Variants in LDLRAD4 observed in about 807,000 individuals in gnomAD.
The protein encoded by LDLRAD4 is low density lipoprotein receptor class A domain containing 4, also known as low-density lipoprotein receptor class A domain-containing protein 4.
Under a neutral mutation model 17.0 loss-of-function variants are expected in LDLRAD4, and 5 were observed. The observed-to-expected ratio is 0.29, with a 90% confidence interval of 0.15 to 0.62. The LOEUF (loss-of-function observed/expected upper bound fraction) is 0.62. LDLRAD4 is among the 20% of genes least tolerant of loss of function. The pLI is 0.84. For synonymous variants in LDLRAD4, 168 were observed against 171.8 expected (o/e 0.98, Z 0.17); for missense variants, 340 against 424.7 (o/e 0.80, Z 1.75).
chr18:13,537,263 C>T (rs547898295), intron 3 of LDLRAD4, among the ~76,000 whole-genome samples: 2 of 152,118 alleles, frequency 1.3e-5, no homozygotes, highest in Admixed American at 6.6e-5. Context: ...TTACATAAAC[C>T]TAGATGGTAT....
intron 3 of LDLRAD4, among the ~76,000 whole-genome samples, chr18:13,558,908 A>G (rs550742769): frequency 7.4e-4 from 2 of 2,720 alleles, no homozygotes; most frequent in African/African-American, 1.0e-3. Flanking sequence ...TACAAGAGCA[A>G]GTCATCGGGG....
intron 1 of LDLRAD4, among the ~76,000 whole-genome samples, chr18:13,266,433 C>T (rs972123377): frequency 2.7e-4 from 41 of 152,184 alleles, no homozygotes; most frequent in African/African-American, 9.2e-4. Flanking sequence ...AGACACAGCC[C>T]GCTGAGGAAG....
chr18:13,387,603 G>A (rs1599849647), exon 2 of LDLRAD4: 1 of 919,822 alleles, frequency 1.1e-6, no homozygotes, highest in East Asian at 2.5e-5. Context: ...GCTCCCAGAG[G>A]CCGGCCCAGC....
chr18:13,483,295 G>A (rs530579928), intron 3 of LDLRAD4, among the ~76,000 whole-genome samples: 24 of 152,318 alleles, frequency 1.6e-4, no homozygotes, highest in Admixed American at 1.4e-3. Context: ...TTCTCACTGT[G>A]TTCTTGGGCT....
intron 1 of LDLRAD4, among the ~76,000 whole-genome samples, chr18:13,316,472 C>T (rs566300599): frequency 9.2e-5 from 14 of 152,148 alleles, no homozygotes; most frequent in East Asian, 3.9e-4. Flanking sequence ...ATTCTTCAGG[C>T]GGAAGGATAA....
intron 3 of LDLRAD4, chr18:13,487,399 A>G (rs1362826063): frequency 6.6e-6 from 1 of 152,286 alleles, no homozygotes; most frequent in Admixed American, 6.5e-5. Context: ...ATGTGGCCAG[A>G]CCAGGAAGGG....
rs1445866364 is a variant in LDLRAD4, at chr18:13,398,136, C to A, written c.40+10374C>A. Among the ~76,000 whole-genome samples, 1 of 152,168 alleles carries A rather than the reference C, an allele frequency of 6.6e-6. No homozygotes were observed. The highest frequency in any genetic ancestry group is 1.5e-5 in the Non-Finnish European group (1 of 68,028). On this transcript the variant is annotated intron_variant, in intron 2 of 5. Coordinates refer to ENST00000359446, the Ensembl canonical transcript of LDLRAD4. This position sits in a 1 kb window ranked among gnomAD's most constrained non-coding sequence, Gnocchi z 4.8. Reference sequence around the variant, plus strand: ...CTCAGATCCTCCCACTGTGGCGTTTCCTTCAGAACCGAGTTGGGGCAGGAG... The same window carrying A: ...CTCAGATCCTCCCACTGTGGCGTTTACTTCAGAACCGAGTTGGGGCAGGAG...
chr18:13,294,918 T>C (rs1368181947), intron 1 of LDLRAD4, among the ~76,000 whole-genome samples: 1 of 152,126 alleles, frequency 6.6e-6, no homozygotes, highest in East Asian at 1.9e-4. Context: ...AATTCTGTCT[T>C]TAGAAAATGC....
chr18:13,256,861 G>A lies in LDLRAD4; in HGVS notation c.-466-21244G>A, dbSNP rs117818979. The stretch of plus-strand genomic sequence containing the variant: ...GTGGCAGGTGTGTGTGCCGGGGAAG[G>A]AAACCTGTGTTGTTGGAACGAAGTT... On this transcript the variant is annotated intron_variant, in intron 1 of 5. Transcript: ENST00000399848. Among the ~76,000 whole-genome samples the A allele has an allele frequency of 4.6e-4, 70 of 152,368 alleles. No individual in the cohort carries two copies. The East Asian group carries it at 0.013, about 29-fold the overall frequency.
At chr18:13,351,638 A>C (rs775194481) in intron 1 of LDLRAD4, among the ~76,000 whole-genome samples, 3 of 152,168 alleles carry the variant, frequency 2.0e-5, no homozygotes, top group African/African-American at 4.8e-5. Context: ...ACCAACCGAA[A>C]AAAGCCCAGG....
intron 3 of LDLRAD4, among the ~76,000 whole-genome samples, chr18:13,619,182 G>A (rs2040357445): frequency 1.3e-5 from 2 of 152,130 alleles, no homozygotes; most frequent in Admixed American, 1.3e-4. Flanking sequence ...GGCAAAGTAG[G>A]GGCTCCGGAC....
intron 1 of LDLRAD4, among the ~76,000 whole-genome samples, chr18:13,347,630 T>C (rs2082769749): frequency 6.6e-6 from 1 of 152,218 alleles, no homozygotes; most frequent in South Asian, 2.1e-4. Context: ...CCTTGCTAGA[T>C]TGGGGAAGTT....
At chr18:13,619,773 G>A (rs1176249975) in intron 3 of LDLRAD4, among the ~76,000 whole-genome samples, 2 of 152,130 alleles carry the variant, frequency 1.3e-5, no homozygotes, top group Admixed American at 6.5e-5. Context: ...GGCTTTGTCC[G>A]TGTCCACAGG....
chr18:13,483,167 A>G (rs1190984094), intron 3 of LDLRAD4, among the ~76,000 whole-genome samples: 5 of 152,150 alleles, frequency 3.3e-5, no homozygotes, highest in Non-Finnish European at 5.9e-5. Context: ...TGTTTTCAGG[A>G]CAGGTTTTAT....
chr18:13,493,909 A>C (rs2147144044), intron 3 of LDLRAD4, among the ~76,000 whole-genome samples: 1 of 152,306 alleles, frequency 6.6e-6, no homozygotes, highest in African/African-American at 2.4e-5. Flanking sequence ...GTGCGGGGCC[A>C]CCCAGGGGGT....
intron 1 of LDLRAD4, among the ~76,000 whole-genome samples, chr18:13,304,498 A>AGCATG (rs2046795519): frequency 6.6e-6 from 1 of 152,140 alleles, no homozygotes; most frequent in Admixed American, 6.5e-5. Flanking sequence ...GGGAGTCCCC[A>AGCATG]GCATGCTGTC....
chr18:13,402,145 C>T (rs1450324007), intron 2 of LDLRAD4, among the ~76,000 whole-genome samples: 4 of 152,202 alleles, frequency 2.6e-5, no homozygotes, highest in South Asian at 2.1e-4. Flanking sequence ...GAACCAACAA[C>T]GTGCTTTTCC....
intron 3 of LDLRAD4, among the ~76,000 whole-genome samples, chr18:13,439,494 T>C (rs2090887081): frequency 6.6e-6 from 1 of 152,176 alleles, no homozygotes; most frequent in Non-Finnish European, 1.5e-5. Context: ...CCAAGCGCTC[T>C]TTGAGTCCCA....
At chr18:13,226,964 C>G (rs2145435528) in intron 1 of LDLRAD4, among the ~76,000 whole-genome samples, 1 of 152,178 alleles carries the variant, frequency 6.6e-6, no homozygotes, top group Non-Finnish European at 1.5e-5. Flanking sequence ...TCTGGATAGC[C>G]CCACCATACC....
Sources: gnomAD v4.1 joint callset for allele counts (sites outside exome capture counted in the v4.1 genomes callset) on GRCh38, gnomAD v4.1.1 for gene constraint, Gnocchi (gnomAD v3.1) non-coding constraint, MANE v1.5 for transcripts, NCBI Gene and HGNC (gene_info 2026-07-23, HGNC 2026-07-21) for gene names.